The following SLC4A7 variants were observed in gnomAD, a reference collection of about 807,000 sequenced individuals.
SLC4A7 encodes the protein solute carrier family 4 member 7, also known as sodium bicarbonate cotransporter 3.
In SLC4A7, 51 loss-of-function variants were observed where a neutral mutation model predicts 137.6. The ratio of observed to expected loss-of-function variants is 0.37; its 90% CI spans 0.30 to 0.47. SLC4A7 has a LOEUF of 0.47. Ranked by LOEUF, SLC4A7 falls within the 20% of genes least tolerant of loss-of-function variation. The pLI is 1.00. For missense variants in SLC4A7, 1,247 were observed against 1,525.4 expected (o/e 0.82, Z 3.04); for synonymous variants, 542 against 518.6 (o/e 1.05, Z -0.61).
In SLC4A7 at chr3:27,400,755, T is replaced by A; in HGVS notation, c.2427+9A>T. 6.7e-7 allele frequency: 1 copy of A among 1,493,098 alleles called. No individual in the cohort carries two copies. Among genetic ancestry groups the A allele is most frequent in the African/African-American group, 1.4e-5 (1 of 72,608 alleles). 92.5% of individuals were successfully genotyped at this position (1,493,098 alleles called of 1,614,324 possible). ...TATTACAAAACCCTTTATTTCAAAA[T>A]ATACTCACAGAAACAGTAAGATTTC... On this transcript the variant is annotated intron_variant, in intron 16 of 25. Coordinates refer to ENST00000454389, the MANE Select transcript of SLC4A7 (RefSeq NM_001321103.2).
intron 7 of SLC4A7, 139 bp downstream of exon 7, chr3:27,431,156 AAAG>A: frequency 6.6e-6 from 6 of 911,706 alleles, no homozygotes; most frequent in Non-Finnish European, 9.1e-6. Context: ...AATCTATCAT[AAAG>A]AAAAAAAAAC....
intron 3 of SLC4A7, 110 bp downstream of exon 3, chr3:27,448,541 A>G (rs1355908559): frequency 9.9e-6 from 8 of 811,134 alleles, no homozygotes; most frequent in Non-Finnish European, 1.6e-5. Context: ...ATACAATGTG[A>G]CTACATTAAT....
In SLC4A7 at chr3:27,390,003, G is replaced by A; in HGVS notation, c.3288C>T (p.Val1096=). 6.2e-7 allele frequency: 1 copy of A among 1,613,762 alleles called. No homozygotes were observed. The highest frequency in any genetic ancestry group is 8.5e-7 in the Non-Finnish European group (1 of 1,179,728). ...AAAGGACCAAACAAGTAAGCTGAAT[G>A]ACTGTGAAAATATGGACCTTCCAGA... ...VPLWKVHIFT[V]IQLTCLVLLW... is the part of the protein sequence containing the mutation. The change falls in exon 22 of 26, where the codon GTC becomes GTT. Residue 1096 remains valine, a synonymous_variant. Coordinates refer to ENST00000454389, the MANE Select transcript of SLC4A7 (RefSeq NM_001321103.2).
chr3:27,484,179 C>T lies in SLC4A7; in HGVS notation c.-53G>A. On this transcript the variant is annotated 5_prime_UTR_variant, in exon 1 of 26. Coordinates refer to ENST00000454389, the MANE Select transcript of SLC4A7 (RefSeq NM_001321103.2). The stretch of plus-strand genomic sequence containing the variant: ...CTACGGTACTGCCCCGCGCGGTCTG[C>T]CTGCTTCTGCCGCTGCCCCTGCCGC... The T allele has an allele frequency of 8.1e-7, 1 of 1,228,166 alleles. No homozygotes were observed. The highest frequency in any genetic ancestry group is 1.0e-6 in the Non-Finnish European group (1 of 978,434). The allele number at this position is 1,228,166 out of a possible 1,614,324, so 76.1% of individuals were successfully genotyped here.
At chr3:27,378,847 T>C (rs1035736001) in intron 25 of SLC4A7, among the ~76,000 whole-genome samples, 1 of 152,250 alleles carries the variant, frequency 6.6e-6, no homozygotes, top group Non-Finnish European at 1.5e-5. Context: ...CTGATCTTTT[T>C]TATGTTTATT....
intron 22 of SLC4A7, among the ~76,000 whole-genome samples, chr3:27,387,634 T>C (rs1244659446): frequency 2.0e-5 from 3 of 152,220 alleles, no homozygotes; most frequent in Non-Finnish European, 4.4e-5. Context: ...TGCTGTCCCT[T>C]AATACTGTTA....
rs1397384430 is a variant in SLC4A7, at chr3:27,373,535, G to T, written c.*3229C>A. On this transcript the variant is annotated 3_prime_UTR_variant, in exon 26 of 26. Transcript: ENST00000454389. ...TTTTTAATTACAGCGTTATATCAATGGCTTACACAGTTGAAATCTGAGCAC... is the reference window on the plus strand; with the variant it reads ...TTTTTAATTACAGCGTTATATCAATTGCTTACACAGTTGAAATCTGAGCAC... 1.3e-5 allele frequency: 2 copies of T among 152,044 alleles called. No individual in the cohort carries two copies. Among genetic ancestry groups the T allele is most frequent in the Non-Finnish European group, 2.9e-5 (2 of 67,960 alleles). 9.4% of individuals were successfully genotyped at this position (152,044 alleles called of 1,614,324 possible). A position where few individuals can be genotyped will look rare whatever the true frequency, so the allele number is the denominator to read the frequency against.
chr3:27,483,565 G>A (rs2059808576), intron 1 of SLC4A7, among the ~76,000 whole-genome samples: 1 of 152,234 alleles, frequency 6.6e-6, no homozygotes, highest in South Asian at 2.1e-4. Flanking sequence ...GGAAAGAGGG[G>A]GAAAGATTCA....
chr3:27,390,142 A>G, intron 21 of SLC4A7, 38 bp from the exon 22 acceptor site: 1 of 1,259,556 alleles, frequency 7.9e-7, no homozygotes, highest in Non-Finnish European at 1.1e-6. Flanking sequence ...TTTTCAATAA[A>G]ATATTTCTGC....
chr3:27,378,377 C>T (rs7637211), intron 25 of SLC4A7, among the ~76,000 whole-genome samples: 27,166 of 152,014 alleles, frequency 0.18, 2,845 homozygotes, highest in Non-Finnish European at 0.25. Flanking sequence ...ATACAGACAC[C>T]CAACATAGCA....
intron 18 of SLC4A7, among the ~76,000 whole-genome samples, chr3:27,397,307 C>T (rs2052284789): frequency 6.6e-6 from 1 of 152,172 alleles, no homozygotes; most frequent in South Asian, 2.1e-4. Context: ...CAAGCCACTG[C>T]ACCTGGCCTG....
At chr3:27,434,178 C>T (rs2056549553) in intron 5 of SLC4A7, 74 bp from the exon 6 acceptor site, 22 of 1,066,248 alleles carry the variant, frequency 2.1e-5, no homozygotes, top group Non-Finnish European at 2.6e-5. Flanking sequence ...GTGAGTGAAA[C>T]CTTATGACAA....
intron 7 of SLC4A7, among the ~76,000 whole-genome samples, chr3:27,424,845 A>G (rs1173453590): frequency 6.6e-6 from 1 of 152,178 alleles, no homozygotes; most frequent in Non-Finnish European, 1.5e-5. Flanking sequence ...ATGTGACTGT[A>G]AGAAACTCAC....
At chr3:27,385,743 A>G in intron 23 of SLC4A7, 149 bp downstream of exon 23, 1 of 516,458 alleles carries the variant, frequency 1.9e-6, no homozygotes, top group Non-Finnish European at 3.3e-6. Context: ...TATAAAATGG[A>G]GATAACAGCA....
At chr3:27,469,432 G>C (rs940516714) in intron 1 of SLC4A7, among the ~76,000 whole-genome samples, 3 of 152,104 alleles carry the variant, frequency 2.0e-5, no homozygotes, top group Non-Finnish European at 4.4e-5. Flanking sequence ...TTTAAATTGG[G>C]GTTTCCACAA....
At chr3:27,425,970 A>G (rs1173319779) in intron 7 of SLC4A7, among the ~76,000 whole-genome samples, 2 of 152,214 alleles carry the variant, frequency 1.3e-5, no homozygotes, top group Non-Finnish European at 2.9e-5. Flanking sequence ...GTTAGATTCT[A>G]TAAGCTCTGA....
At position 27,394,625 on chromosome 3, in the gene SLC4A7, C is replaced by G. The variant is rs2051947833; in HGVS notation, c.3010G>C (p.Ala1004Pro). ...AAAAACTTGGGTTGTTCCCCTGGAG[C>G]AGAACATTCAGATTCAACTTTTAAG... ...NSLKVESECS[A>P]PGEQPKFLGI... The change falls in exon 20 of 26, where the codon GCT becomes CCT. Residue 1004 changes from alanine (A) to proline (P), a missense_variant. Physicochemically the swap from Ala to Pro is conservative, Grantham distance 27. Around this residue, in one of 6 missense-constraint regions of SLC4A7, gnomAD observed 290 missense variants for 323.8 expected, o/e 0.90. Coordinates refer to ENST00000454389, the MANE Select transcript of SLC4A7 (RefSeq NM_001321103.2). 1 of 1,614,118 alleles carries G rather than the reference C, an allele frequency of 6.2e-7. No individual in the cohort carries two copies. The highest frequency in any genetic ancestry group is 8.5e-7 in the Non-Finnish European group (1 of 1,180,012).
intron 17 of SLC4A7, 26 bp downstream of exon 17, chr3:27,398,166 G>C (rs201241761): frequency 2.1e-5 from 33 of 1,558,796 alleles, no homozygotes; most frequent in Non-Finnish European, 2.8e-5. Context: ...AATATTACCA[G>C]AATTCCAAAA....
chr3:27,445,401 T>C (rs2057511734), intron 3 of SLC4A7, among the ~76,000 whole-genome samples: 1 of 152,136 alleles, frequency 6.6e-6, no homozygotes, highest in African/African-American at 2.4e-5. Flanking sequence ...AAACTGTCTC[T>C]GGGCAATAAG....
Sources: allele counts gnomAD v4.1 joint callset (sites outside exome capture counted in the v4.1 genomes callset), GRCh38; gene constraint gnomAD v4.1.1; regional missense constraint gnomAD v4.1.1; transcripts MANE v1.5; gene names NCBI Gene and HGNC (gene_info 2026-07-23, HGNC 2026-07-21).